The following TMCO4 variants were observed in gnomAD, a reference collection of about 807,000 sequenced individuals.
TMCO4 encodes transmembrane and coiled-coil domain-containing protein 4.
In TMCO4, 58 loss-of-function variants were observed where a neutral mutation model predicts 64.7. That is an observed-to-expected ratio of 0.90 (90% CI 0.73 to 1.12). The LOEUF is 1.12. TMCO4 is among the 50% of genes most tolerant of loss of function. TMCO4 has a pLI of 0.00. For missense variants in TMCO4, 780 were observed against 825.9 expected (o/e 0.94, Z 0.68); for synonymous variants, 325 against 346.1 (o/e 0.94, Z 0.68).
rs2095298265 is a variant in TMCO4, at chr1:19,705,522, AT to A, written c.1265-4638del. ...ACACAATAGTCGATGAGATAAAAAA[AT>A]AAAAAAAAGAATTGCAAAAAAAAAA... On this transcript the variant is annotated intron_variant, in intron 13 of 15. Coordinates refer to ENST00000294543, the MANE Select transcript of TMCO4 (RefSeq NM_181719.7). 2.0e-5 allele frequency among the ~76,000 whole-genome samples: 3 copies of A among 152,140 alleles called. No homozygotes were observed. The South Asian group carries it at 6.2e-4, about 32-fold the overall frequency.
chr1:19,709,726 GT>G (rs143760742), intron 13 of TMCO4, among the ~76,000 whole-genome samples: 9 of 143,538 alleles, frequency 6.3e-5, no homozygotes, highest in Middle Eastern at 3.6e-3. Flanking sequence ...GTTTCTGTTT[GT>G]TTTTTTTTTG....
chr1:19,746,584 A>G lies in TMCO4; in HGVS notation c.629T>C (p.Leu210Pro), dbSNP rs1159376031. The G allele has an allele frequency of 1.9e-6, 3 of 1,610,314 alleles. No individual in the cohort carries two copies. Among genetic ancestry groups the G allele is most frequent in the Admixed American group, 1.7e-5 (1 of 59,558 alleles). ...TCCAGCGGCAACAAGGGGTGCAGCTAGACCTCCAGTCACACCTGTGGGAAA... is the reference window on the plus strand; with the variant it reads ...TCCAGCGGCAACAAGGGGTGCAGCTGGACCTCCAGTCACACCTGTGGGAAA... ...GGTVIGVTGG[L>P]AAPLVAAGAA... The change falls in exon 9 of 16, where the codon CTA (leucine) becomes CCA (proline). Residue 210 changes from leucine to proline, a missense_variant. Coordinates refer to ENST00000294543, the MANE Select transcript of TMCO4 (RefSeq NM_181719.7).
chr1:19,739,873 G>A lies in TMCO4; in HGVS notation c.1130C>T (p.Ser377Leu). 3 of 1,613,988 alleles carry A rather than the reference G, an allele frequency of 1.9e-6. No homozygotes were observed. Among genetic ancestry groups the A allele is most frequent in the Non-Finnish European group, 2.5e-6 (3 of 1,179,962 alleles). The change falls in exon 12 of 16, where the codon TCA (serine) becomes TTA (leucine). Residue 377 changes from serine to leucine, a missense_variant. Ser to Leu is a moderately radical substitution (Grantham distance 145). Transcript: ENST00000294543. ...DNPWGVCLHR[S>L]AEVGKHLAHI... is the part of the protein sequence containing the mutation. ...GGCCAGGTGCTTGCCAACCTCTGCT[G>A]ATCGATGGAGACACACCCCCCAGGG...
intron 12 of TMCO4, 94 bp from the exon 13 acceptor site, chr1:19,737,550 C>A: frequency 1.9e-6 from 2 of 1,068,208 alleles, no homozygotes; most frequent in Non-Finnish European, 1.4e-6. Context: ...ACATTCCTTA[C>A]CACCTGATTC....
intron 4 of TMCO4, among the ~76,000 whole-genome samples, chr1:19,778,912 C>A (rs888120508): frequency 6.6e-6 from 1 of 152,154 alleles, no homozygotes; most frequent in Non-Finnish European, 1.5e-5. Context: ...AGAGTTCCTG[C>A]ACAGTGTGGT....
intron 3 of TMCO4, among the ~76,000 whole-genome samples, chr1:19,786,652 G>A (rs909257323): frequency 5.9e-5 from 9 of 152,222 alleles, no homozygotes; most frequent in South Asian, 4.1e-4. Context: ...TCCTTGTAAA[G>A]GCAACGGCCA....
chr1:19,765,769 C>G (rs897306886), intron 6 of TMCO4, among the ~76,000 whole-genome samples: 2 of 152,048 alleles, frequency 1.3e-5, no homozygotes, highest in African/African-American at 4.8e-5. Context: ...CGTTCGGTGA[C>G]TAACATCCCA....
chr1:19,768,759 C>T (rs1295476763), intron 6 of TMCO4, among the ~76,000 whole-genome samples: 1 of 152,184 alleles, frequency 6.6e-6, no homozygotes, highest in Non-Finnish European at 1.5e-5. Flanking sequence ...CAGCGCTCCT[C>T]TAAGTAGAAA....
intron 7 of TMCO4, 40 bp from the exon 8 acceptor site, chr1:19,747,300 CA>C (rs1480006217): frequency 6.4e-7 from 1 of 1,573,886 alleles, no homozygotes; most frequent in South Asian, 1.1e-5. Flanking sequence ...CAGCTGTGCC[CA>C]GGATCCCTTG....
intron 1 of TMCO4, 66 bp downstream of exon 1, chr1:19,799,789 C>T (rs1232708909): frequency 1.3e-5 from 2 of 152,036 alleles, no homozygotes; most frequent in Non-Finnish European, 2.9e-5. Flanking sequence ...CGCGTGGGGC[C>T]GGCGGGGAGT....
intron 6 of TMCO4, among the ~76,000 whole-genome samples, chr1:19,761,644 G>A (rs2042510760): frequency 6.6e-6 from 1 of 152,226 alleles, no homozygotes; most frequent in African/African-American, 2.4e-5. Context: ...AGAGTTTAGG[G>A]AACATCAAGG....
intron 9 of TMCO4, 55 bp from the exon 10 acceptor site, chr1:19,745,706 T>C: frequency 6.4e-7 from 1 of 1,555,782 alleles, no homozygotes. Context: ...CCGGGGAACA[T>C]CAGGGTGGCT....
intron 13 of TMCO4, among the ~76,000 whole-genome samples, chr1:19,706,755 C>A (rs920523551): frequency 1.3e-5 from 2 of 152,184 alleles, no homozygotes; most frequent in Non-Finnish European, 2.9e-5. Context: ...TTGTCATTCA[C>A]ATGTGCCGTG....
At chr1:19,749,560 GTT>G (rs1422328991) in intron 7 of TMCO4, among the ~76,000 whole-genome samples, 1 of 152,096 alleles carries the variant, frequency 6.6e-6, no homozygotes, top group Non-Finnish European at 1.5e-5. Context: ...TAGACATGGG[GTT>G]TTGCCACGTT....
chr1:19,773,018 C>T (rs1311329709), intron 4 of TMCO4, among the ~76,000 whole-genome samples: 2 of 152,000 alleles, frequency 1.3e-5, no homozygotes, highest in African/African-American at 2.4e-5. Context: ...GGTGAAATCC[C>T]GCCTCTACTA....
In TMCO4 at chr1:19,698,074, G is replaced by A. The variant is rs1357631565; in HGVS notation, c.1382+2694C>T. Among the ~76,000 whole-genome samples, 6 of 152,262 alleles carry A rather than the reference G, an allele frequency of 3.9e-5. No individual in the cohort carries two copies. The South Asian group carries it at 6.2e-4, about 16-fold the overall frequency. ...TCATCCCTGTATCCTGAGCTGAACC[G>A]GGAACTCGCTGCCACTCTCTCCCAG... On this transcript the variant is annotated intron_variant, in intron 14 of 15. Transcript: ENST00000294543.
At position 19,740,857 on chromosome 1, in the gene TMCO4, A is replaced by G; in HGVS notation, c.962T>C (p.Leu321Pro). 6.2e-7 allele frequency: 1 copy of G among 1,614,110 alleles called. No individual in the cohort carries two copies. The highest frequency in any genetic ancestry group is 8.5e-7 in the Non-Finnish European group (1 of 1,179,994). The change falls in exon 11 of 16, where the codon CTC becomes CCC. Residue 321 changes from leucine to proline, a missense_variant. Leu to Pro is a moderately conservative substitution (Grantham distance 98). Transcript: ENST00000294543. ...GAGGATGGTCTCCAGGGCATTGCCG[A>G]GCTCCATCAGGTACTTGGCTTCCCA... ...LAWEAKYLME[L>P]GNALETILSG...
chr1:19,742,665 G>A (rs565167489), intron 10 of TMCO4, among the ~76,000 whole-genome samples: 8 of 152,170 alleles, frequency 5.3e-5, no homozygotes, highest in Non-Finnish European at 1.2e-4. Context: ...AACCCAGCTC[G>A]ATGGCTTCCA....
chr1:19,740,708 T>C lies in TMCO4; in HGVS notation c.1042+69A>G. On this transcript the variant is annotated intron_variant, in intron 11 of 15. Coordinates refer to ENST00000294543, the MANE Select transcript of TMCO4 (RefSeq NM_181719.7). ...CCTGGGGGCTTTGGGCATGCAAAAC[T>C]ATGGTACCACTGTGTTGGGATGAAG... 7 of 1,527,836 alleles carry C rather than the reference T, an allele frequency of 4.6e-6. No homozygotes were observed. In the South Asian group the frequency reaches 8.9e-5, roughly 19 times the overall value. The allele number at this position is 1,527,836 out of a possible 1,614,324, so 94.6% of individuals were successfully genotyped here. A position where few individuals can be genotyped will look rare whatever the true frequency, so the allele number is the denominator to read the frequency against.
Sources: allele counts gnomAD v4.1 joint callset (sites outside exome capture counted in the v4.1 genomes callset), GRCh38; gene constraint gnomAD v4.1.1; transcripts MANE v1.5; gene names NCBI Gene and HGNC (gene_info 2026-07-23, HGNC 2026-07-21).